Variants in SRPRB observed in about 807,000 individuals in gnomAD.
SRPRB encodes the protein signal recognition particle receptor subunit beta.
Under a neutral mutation model 31.9 loss-of-function variants are expected in SRPRB, and 20 were observed. The ratio of observed to expected loss-of-function variants is 0.63; its 90% confidence interval spans 0.44 to 0.91. SRPRB has a LOEUF of 0.91. Ranked by LOEUF, SRPRB falls within the 40% of genes least tolerant of loss-of-function variation. SRPRB has a pLI of 0.00. For synonymous variants in SRPRB, 146 were observed against 132.8 expected, an observed-to-expected ratio of 1.10 and a Z score of -0.68; for missense variants, 321 against 324.9, an observed-to-expected ratio of 0.99 and a Z score of 0.09.
chr3:133,827,772 C>T, downstream of SRPRB: 1 of 195,184 alleles, frequency 5.1e-6, no homozygotes, highest in Admixed American at 4.9e-5. Context: ...GCCTCCCCAT[C>T]ACAGAGGATC....
intron 1 of SRPRB, 62 bp downstream of exon 1, chr3:133,806,064 A>G: frequency 6.4e-7 from 1 of 1,571,924 alleles, no homozygotes; most frequent in Non-Finnish European, 8.6e-7. Context: ...CTTTGGCTGC[A>G]CCGCTGCAGG....
chr3:133,797,997 A>G (rs1307899476), intron 1 of SRPRB, among the ~76,000 whole-genome samples: 1 of 152,218 alleles, frequency 6.6e-6, no homozygotes, highest in African/African-American at 2.4e-5. Flanking sequence ...ATAGTGTGAG[A>G]TAACAGCCAT....
At chr3:133,802,790 T>G (rs768889649), upstream of SRPRB, among the ~76,000 whole-genome samples, 3 of 152,230 alleles carry the variant, frequency 2.0e-5, no homozygotes, top group Non-Finnish European at 2.9e-5. Flanking sequence ...TTGTGTTTAC[T>G]CATCACTTGC....
At chr3:133,801,664 C>A (rs2107964275), upstream of SRPRB, among the ~76,000 whole-genome samples, 1 of 152,136 alleles carries the variant, frequency 6.6e-6, no homozygotes, top group South Asian at 2.1e-4. Flanking sequence ...GTCAGGAGGT[C>A]TAATGGTAAT....
intron 1 of SRPRB, among the ~76,000 whole-genome samples, chr3:133,798,750 T>C (rs543574641): frequency 7.6e-4 from 116 of 152,318 alleles, no homozygotes; most frequent in African/African-American, 2.6e-3. Context: ...TGTTGTTGTC[T>C]ATACACACAC....
chr3:133,811,852 A>T (rs1234150020), intron 4 of SRPRB, among the ~76,000 whole-genome samples: 1 of 152,158 alleles, frequency 6.6e-6, no homozygotes, highest in African/African-American at 2.4e-5. Flanking sequence ...AAAGTGCTGG[A>T]ATTACAGGCG....
At chr3:133,808,866 G>A (rs1202599780) in intron 3 of SRPRB, among the ~76,000 whole-genome samples, 1 of 146,614 alleles carries the variant, frequency 6.8e-6, no homozygotes, top group Non-Finnish European at 1.5e-5. Context: ...CTCCAGCCTG[G>A]GCAATAGAGC....
chr3:133,798,879 A>G (rs1418981138), intron 1 of SRPRB, among the ~76,000 whole-genome samples: 2 of 152,186 alleles, frequency 1.3e-5, no homozygotes, highest in Non-Finnish European at 2.9e-5. Flanking sequence ...AATAAAAGAT[A>G]TTTTAAAAAC....
upstream of SRPRB, among the ~76,000 whole-genome samples, chr3:133,805,103 C>T (rs896604647): frequency 6.6e-6 from 1 of 152,164 alleles, no homozygotes; most frequent in Non-Finnish European, 1.5e-5. Flanking sequence ...TGAATAGGGT[C>T]GGCCCTACTT....
chr3:133,828,082 A>G, downstream of SRPRB: 2 of 673,744 alleles, frequency 3.0e-6, no homozygotes, highest in South Asian at 3.2e-5. Flanking sequence ...CTTTTCAGGG[A>G]AAGAGAAGGA....
rs770769891 is a variant in SRPRB at position 133,819,627 on chromosome 3, G to A, written c.677G>A (p.Gly226Glu). The change falls in exon 7 of 7, where the codon GGG becomes GAG. Residue 226 changes from glycine to glutamate, a missense_variant. Transcript: ENST00000678299. ...TCCAGCACTGCCCCTGCTCAGCTGG[G>A]GAAGAAAGGCAAAGAGTTTGAATTC... Reference protein sequence around the residue: ...DSSSTAPAQLGKKGKEFEFSQ... With the variant: ...DSSSTAPAQLEKKGKEFEFSQ... The A allele has an allele frequency of 2.5e-6, 4 of 1,614,198 alleles. No individual in the cohort carries two copies. Among genetic ancestry groups the A allele is most frequent in the Non-Finnish European group, 2.5e-6 (3 of 1,180,040 alleles).
chr3:133,802,497 C>G (rs898314524), upstream of SRPRB, among the ~76,000 whole-genome samples: 13 of 152,204 alleles, frequency 8.5e-5, no homozygotes, highest in African/African-American at 3.1e-4. Context: ...CTGTCTTCCC[C>G]ATACACCATA....
chr3:133,827,496 G>C (rs981115507), downstream of SRPRB: 17 of 196,438 alleles, frequency 8.7e-5, no homozygotes, highest in Admixed American at 8.0e-4. Flanking sequence ...TCTCAGGAAT[G>C]AATCAAAAAT....
intron 1 of SRPRB, among the ~76,000 whole-genome samples, chr3:133,797,913 A>G (rs541025310): frequency 3.3e-5 from 5 of 152,092 alleles, no homozygotes; most frequent in African/African-American, 1.2e-4. Context: ...GTACTTAGTC[A>G]CTGGCATGCT....
At chr3:133,815,804 A>T (rs1213566141) in intron 5 of SRPRB, 78 bp downstream of exon 5, 142 of 1,521,082 alleles carry the variant, frequency 9.3e-5, no homozygotes, top group Non-Finnish European at 1.2e-4. Flanking sequence ...CATTATTTAC[A>T]GTTGTTATTA....
chr3:133,808,325 GT>G (rs911565684), intron 3 of SRPRB, among the ~76,000 whole-genome samples: 1 of 130,474 alleles, frequency 7.7e-6, no homozygotes, highest in South Asian at 2.7e-4. Flanking sequence ...CTTTATTGTT[GT>G]TTTTTTTTAA....
chr3:133,812,605 G>A (rs1935296838), intron 4 of SRPRB, among the ~76,000 whole-genome samples: 1 of 151,954 alleles, frequency 6.6e-6, no homozygotes, highest in Non-Finnish European at 1.5e-5. Flanking sequence ...CCTACTTTCT[G>A]GCTTCGCCAA....
At chr3:133,822,572 C>T (rs1476579486), downstream of SRPRB, among the ~76,000 whole-genome samples, 1 of 152,234 alleles carries the variant, frequency 6.6e-6, no homozygotes, top group African/African-American at 2.4e-5. Context: ...GGGTCTGTCA[C>T]TTCTTCCCAC....
At chr3:133,798,103 T>A (rs896752893) in intron 1 of SRPRB, among the ~76,000 whole-genome samples, 10 of 152,202 alleles carry the variant, frequency 6.6e-5, no homozygotes, top group African/African-American at 2.4e-4. Context: ...GAGGAGACAA[T>A]GTATGATTAA....
Sources: gnomAD v4.1 joint callset for allele counts (sites outside exome capture counted in the v4.1 genomes callset) on GRCh38, gnomAD v4.1.1 for gene constraint, MANE v1.5 for transcripts, NCBI Gene and HGNC (gene_info 2026-07-23, HGNC 2026-07-21) for gene names.